Variants in GRM1 observed in about 807,000 individuals in gnomAD.
The protein encoded by GRM1 is glutamate metabotropic receptor 1, also known as metabotropic glutamate receptor 1.
In GRM1, 33 loss-of-function variants were observed where a neutral mutation model predicts 90.9. That is an observed-to-expected ratio of 0.36 (90% CI 0.28 to 0.49). The LOEUF (loss-of-function observed/expected upper bound fraction) is 0.49, where lower values mean the gene tolerates loss of function less well. GRM1 is among the 20% of genes least tolerant of loss of function. The pLI is 0.99. For synonymous variants in GRM1, 700 were observed against 613.2 expected (o/e 1.14, Z -2.09); for missense variants, 1,190 against 1,534.3 (o/e 0.78, Z 3.75).
At chr6:146,037,077 T>G (rs1285279316) in intron 1 of GRM1, among the ~76,000 whole-genome samples, 1 of 152,000 alleles carries the variant, frequency 6.6e-6, no homozygotes, top group African/African-American at 2.4e-5. Flanking sequence ...CAGTTTCATT[T>G]GTAAAATGGG....
At chr6:146,144,548 T>C (rs188062328) in intron 1 of GRM1, among the ~76,000 whole-genome samples, 363 of 152,328 alleles carry the variant, frequency 2.4e-3, no homozygotes, top group Non-Finnish European at 3.7e-3. Context: ...GTATCCATCA[T>C]TATAAGAAAT....
chr6:146,297,713 T>G (rs1245225159), intron 2 of GRM1, among the ~76,000 whole-genome samples: 1 of 152,212 alleles, frequency 6.6e-6, no homozygotes, highest in Admixed American at 6.5e-5. Flanking sequence ...CAAATTGCTG[T>G]GCTTTGACCT....
At chr6:146,288,096 G>C (rs1782831316) in intron 2 of GRM1, among the ~76,000 whole-genome samples, 4 of 152,208 alleles carry the variant, frequency 2.6e-5, no homozygotes, top group Admixed American at 2.6e-4. Flanking sequence ...GCAGAGGCTA[G>C]AAGAATTTTA....
intron 1 of GRM1, among the ~76,000 whole-genome samples, chr6:146,108,533 T>A (rs949852720): frequency 6.6e-6 from 1 of 152,170 alleles, no homozygotes; most frequent in Non-Finnish European, 1.5e-5. Context: ...GAACTGTAAG[T>A]CCAATAAACC....
At chr6:146,104,672 G>T (rs140650731) in intron 1 of GRM1, among the ~76,000 whole-genome samples, 1 of 152,194 alleles carries the variant, frequency 6.6e-6, no homozygotes, top group Non-Finnish European at 1.5e-5. Flanking sequence ...ATGCTCTAGA[G>T]ATGTTCAGCA....
chr6:146,399,401 G>A lies in GRM1; in HGVS notation c.2362G>A (p.Ala788Thr), dbSNP rs768250872. 1.7e-5 allele frequency: 27 copies of A among 1,613,920 alleles called. No individual in the cohort carries two copies. The highest frequency in any genetic ancestry group is 2.0e-5 in the Non-Finnish European group (24 of 1,180,012). ...CAACTTCAACGAGGCCAAATATATC[G>A]CGTTCACCATGTACACCACCTGTAT... is the stretch of plus-strand genomic sequence containing the variant. The part of the protein sequence containing the change: ...PANFNEAKYI[A>T]FTMYTTCIIW... The change falls in exon 7 of 8, where the codon GCG (alanine) becomes ACG (threonine). Residue 788 changes from alanine to threonine, a missense_variant. Physicochemically the swap from Ala to Thr is moderately conservative, Grantham distance 58. This residue lies in a region of GRM1 where 73 missense variants were observed against 150.6 expected (regional missense o/e 0.48). Coordinates refer to ENST00000282753, the MANE Select transcript of GRM1 (RefSeq NM_001278064.2). This position sits in a 1 kb window ranked among gnomAD's most constrained non-coding sequence, Gnocchi z 5.4.
intron 1 of GRM1, among the ~76,000 whole-genome samples, chr6:146,157,160 A>T (rs1288591577): frequency 1.3e-5 from 2 of 152,204 alleles, no homozygotes; most frequent in Non-Finnish European, 2.9e-5. Context: ...GAGTCCTGGT[A>T]TGACAATTGG....
Position 146,357,531 on chromosome 6 carries a change from A to C in GRM1, c.1439A>C (p.Asp480Ala). ...DEKGDAPGRYDIMNLQYTEAN... is the reference protein window; with the variant it reads ...DEKGDAPGRYAIMNLQYTEAN... ...GCACATTGTGCTCTTTGTAGGTATGATATCATGAATCTGCAGTACACTGAA... is the reference window on the plus strand; with the variant it reads ...GCACATTGTGCTCTTTGTAGGTATGCTATCATGAATCTGCAGTACACTGAA... The change falls in exon 5 of 8, where the codon GAT becomes GCT. Residue 480 changes from aspartate to alanine, a missense_variant. Transcript: ENST00000282753. The C allele has an allele frequency of 6.2e-7, 1 of 1,612,016 alleles. No individual in the cohort carries two copies. Among genetic ancestry groups the C allele is most frequent in the Non-Finnish European group, 8.5e-7 (1 of 1,178,042 alleles).
intron 3 of GRM1, among the ~76,000 whole-genome samples, chr6:146,345,479 A>G (rs1297574050): frequency 4.6e-5 from 7 of 152,198 alleles, no homozygotes; most frequent in Non-Finnish European, 1.0e-4. Context: ...CAGGTCAGAA[A>G]TAAGTAGAGC....
chr6:146,222,747 C>T (rs188660193), intron 2 of GRM1, among the ~76,000 whole-genome samples: 417 of 152,110 alleles, frequency 2.7e-3, no homozygotes, highest in Non-Finnish European at 4.1e-3. Context: ...ACCAAATATC[C>T]GGGTACCCTG....
intron 2 of GRM1, among the ~76,000 whole-genome samples, chr6:146,205,062 T>C (rs1450923817): frequency 6.6e-6 from 1 of 152,252 alleles, no homozygotes; most frequent in Non-Finnish European, 1.5e-5. Flanking sequence ...TGACTTCATT[T>C]ATATTCTGCA....
At chr6:146,431,905 A>G (rs909167415) in intron 7 of GRM1, among the ~76,000 whole-genome samples, 2 of 152,196 alleles carry the variant, frequency 1.3e-5, no homozygotes, top group African/African-American at 4.8e-5. Flanking sequence ...GGGCAGTTGA[A>G]AAAGATTAAG....
chr6:146,173,769 T>A (rs1778234340), intron 2 of GRM1, among the ~76,000 whole-genome samples: 1 of 151,042 alleles, frequency 6.6e-6, no homozygotes. Context: ...TGGGTTGAAG[T>A]GATTCTCCTG....
At chr6:146,403,998 A>G (rs1314518942) in intron 7 of GRM1, among the ~76,000 whole-genome samples, 1 of 152,102 alleles carries the variant, frequency 6.6e-6, no homozygotes, top group Admixed American at 6.6e-5. Context: ...TACTTGAACT[A>G]TTGTTAACTA....
Position 146,059,763 on chromosome 6 carries a change from A to G in GRM1, c.700+29546A>G, listed in dbSNP as rs117449175. Reference sequence around the variant, plus strand: ...CTTGTACATCAGCACTTGCTTCTTCATCTTGCACTTTGATGTTATGGATAT... The same window carrying G: ...CTTGTACATCAGCACTTGCTTCTTCGTCTTGCACTTTGATGTTATGGATAT... On this transcript the variant is annotated intron_variant, in intron 1 of 7. Coordinates refer to ENST00000282753, the MANE Select transcript of GRM1 (RefSeq NM_001278064.2). Among the ~76,000 whole-genome samples, 610 of 152,266 alleles carry G rather than the reference A, an allele frequency of 4.0e-3. 17 individuals are homozygous for G. In the East Asian group the frequency reaches 0.071, roughly 18 times the overall value.
At chr6:146,382,336 AAAC>A (rs367872655) in intron 5 of GRM1, among the ~76,000 whole-genome samples, 3,098 of 151,888 alleles carry the variant, frequency 0.02, 52 homozygotes, top group Middle Eastern at 0.031. Context: ...AAAAAAAAAA[AAAC>A]AACTTGTCTG....
chr6:146,028,540 A>G (rs1790584298), upstream of GRM1, among the ~76,000 whole-genome samples: 2 of 151,976 alleles, frequency 1.3e-5, no homozygotes, highest in South Asian at 4.2e-4. Flanking sequence ...ACCGCGGGAA[A>G]CAAGTTACCT....
intron 2 of GRM1, among the ~76,000 whole-genome samples, chr6:146,161,448 G>A (rs1219943750): frequency 6.6e-6 from 1 of 152,118 alleles, no homozygotes; most frequent in African/African-American, 2.4e-5. Context: ...TAATGCAATT[G>A]AACTCATACA....
chr6:146,406,464 A>G (rs1777351025), intron 7 of GRM1, among the ~76,000 whole-genome samples: 1 of 152,194 alleles, frequency 6.6e-6, no homozygotes, highest in Non-Finnish European at 1.5e-5. Flanking sequence ...CCTGGAAAGG[A>G]AGGTGTGTTC....
Sources: gnomAD v4.1 joint callset for allele counts (sites outside exome capture counted in the v4.1 genomes callset) on GRCh38, gnomAD v4.1.1 for gene constraint, gnomAD v4.1.1 regional missense constraint, Gnocchi (gnomAD v3.1) non-coding constraint, MANE v1.5 for transcripts, NCBI Gene and HGNC (gene_info 2026-07-23, HGNC 2026-07-21) for gene names.